Variants in SLC25A21 observed in about 807,000 individuals in gnomAD.
SLC25A21 encodes the protein mitochondrial 2-oxodicarboxylate carrier.
In SLC25A21, 47 loss-of-function variants were observed where a neutral mutation model predicts 43.8. The ratio of observed to expected loss-of-function variants is 1.07; its 90% CI spans 0.85 to 1.37. The LOEUF is 1.37. Among genes scored for constraint, SLC25A21 ranks in the 40% most tolerant of loss-of-function variants. The pLI is 0.00. For missense variants in SLC25A21, 352 were observed against 350.2 expected, an observed-to-expected ratio of 1.00 and a Z score of -0.04; for synonymous variants, 131 against 121.3, an observed-to-expected ratio of 1.08 and a Z score of -0.52.
intron 2 of SLC25A21, among the ~76,000 whole-genome samples, chr14:36,862,787 T>C (rs972365244): frequency 6.6e-6 from 1 of 152,182 alleles, no homozygotes; most frequent in Non-Finnish European, 1.5e-5. Context: ...CTGAGAAAAG[T>C]TTATGATGGC....
chr14:36,901,222 T>C (rs1465117357), intron 1 of SLC25A21, among the ~76,000 whole-genome samples: 1 of 152,180 alleles, frequency 6.6e-6, no homozygotes, highest in East Asian at 1.9e-4. Context: ...TGAAGATATA[T>C]CAGACACTTT....
At chr14:37,171,742 T>G (rs527714614) in intron 1 of SLC25A21, 58 of 152,738 alleles carry the variant, frequency 3.8e-4, no homozygotes, top group Admixed American at 5.9e-4. Flanking sequence ...TCAAAGGTGT[T>G]TATGTGTGTT....
At chr14:37,116,328 T>G (rs1000233013) in intron 1 of SLC25A21, among the ~76,000 whole-genome samples, 3 of 152,150 alleles carry the variant, frequency 2.0e-5, no homozygotes, top group African/African-American at 7.2e-5. Flanking sequence ...AATTTACAAT[T>G]TACTACCTTA....
intron 1 of SLC25A21, among the ~76,000 whole-genome samples, chr14:36,982,193 G>A (rs1458411996): frequency 6.6e-6 from 1 of 152,142 alleles, no homozygotes; most frequent in Admixed American, 6.5e-5. Flanking sequence ...TCAAACTATA[G>A]AACAGATTTT....
chr14:37,156,647 C>T (rs1047441324), intron 1 of SLC25A21, among the ~76,000 whole-genome samples: 3 of 151,790 alleles, frequency 2.0e-5, no homozygotes, highest in African/African-American at 2.4e-5. Flanking sequence ...TCAGCTAAAA[C>T]AGGCTTTAAG....
At position 36,995,428 on chromosome 14, in the gene SLC25A21, G is replaced by A. The variant is rs1340742811; in HGVS notation, c.71-120424C>T. 3.3e-5 allele frequency among the ~76,000 whole-genome samples: 5 copies of A among 152,114 alleles called. No homozygotes were observed. The East Asian group carries it at 9.6e-4, about 29-fold the overall frequency. On this transcript the variant is annotated intron_variant, in intron 1 of 9. Coordinates refer to ENST00000331299, the MANE Select transcript of SLC25A21 (RefSeq NM_030631.4). Reference sequence around the variant, plus strand: ...TGGCAGAGAGAACATGACAAAAAAAGTAACTTCTTTTATTCTAAAAATGCA... The same window carrying A: ...TGGCAGAGAGAACATGACAAAAAAAATAACTTCTTTTATTCTAAAAATGCA...
In SLC25A21 at chr14:36,948,366, T is replaced by C. The variant is rs1892725019; in HGVS notation, c.71-73362A>G. On this transcript the variant is annotated intron_variant, in intron 1 of 9. Coordinates refer to ENST00000331299, the MANE Select transcript of SLC25A21 (RefSeq NM_030631.4). ...CGCATACAAGTGGATTCAGTTATGC[T>C]TGTCATTCTCTGCAGGCATAAGTTA... 2.0e-5 allele frequency among the ~76,000 whole-genome samples: 3 copies of C among 152,188 alleles called. No homozygotes were observed. In the South Asian group the frequency reaches 6.2e-4, roughly 32 times the overall value.
intron 3 of SLC25A21, among the ~76,000 whole-genome samples, chr14:36,810,779 C>G (rs991670893): frequency 6.6e-6 from 1 of 151,854 alleles, no homozygotes; most frequent in Non-Finnish European, 1.5e-5. Flanking sequence ...GGGACATGAC[C>G]CTTAGGAAAT....
intron 1 of SLC25A21, among the ~76,000 whole-genome samples, chr14:36,911,092 T>C (rs1345713599): frequency 1.3e-5 from 2 of 152,228 alleles, no homozygotes; most frequent in South Asian, 4.1e-4. Flanking sequence ...TCTACTCTTA[T>C]GATGGCATTT....
chr14:36,723,000 C>T (rs1311049408), intron 6 of SLC25A21, among the ~76,000 whole-genome samples: 2 of 152,186 alleles, frequency 1.3e-5, no homozygotes, highest in Non-Finnish European at 2.9e-5. Context: ...TGGCCATACA[C>T]ATGCCGAGGT....
intron 1 of SLC25A21, among the ~76,000 whole-genome samples, chr14:37,043,798 A>T (rs893484662): frequency 6.6e-6 from 1 of 152,034 alleles, no homozygotes; most frequent in Non-Finnish European, 1.5e-5. Flanking sequence ...GTGCAGTGAC[A>T]ATCATGGCTC....
At chr14:36,688,693 C>G (rs1386271449) in intron 7 of SLC25A21, among the ~76,000 whole-genome samples, 1 of 152,220 alleles carries the variant, frequency 6.6e-6, no homozygotes, top group Non-Finnish European at 1.5e-5. Flanking sequence ...ATGCCTTCCC[C>G]AGCTCACAGA....
chr14:36,862,390 C>A (rs992216457), intron 2 of SLC25A21, among the ~76,000 whole-genome samples: 4 of 152,068 alleles, frequency 2.6e-5, no homozygotes, highest in South Asian at 2.1e-4. Context: ...CTGGATTAAG[C>A]AAATGTGGCA....
intron 1 of SLC25A21, among the ~76,000 whole-genome samples, chr14:36,907,688 A>C (rs893005556): frequency 6.6e-6 from 1 of 152,154 alleles, no homozygotes; most frequent in Admixed American, 6.6e-5. Context: ...TAAGAGTGGT[A>C]AATACAGAAG....
rs1431026880 is a variant in SLC25A21 at position 36,711,441 on chromosome 14, C to T, written c.480G>A (p.Lys160=). ...TVGYARQIIK[K]EGWGLQGLNK... ...TGAGGCCCTGGAGTCCCCAGCCTTC[C>T]TTCTTAATGATTTGTCTTGCATAAC... is the stretch of plus-strand genomic sequence containing the variant. Residue 160 remains lysine, a synonymous_variant, in exon 7 of 10, where the codon AAG becomes AAA. Transcript: ENST00000331299. 6.2e-7 allele frequency: 1 copy of T among 1,614,056 alleles called. No individual in the cohort carries two copies. The highest frequency in any genetic ancestry group is 8.5e-7 in the Non-Finnish European group (1 of 1,180,002).
In SLC25A21 at chr14:36,915,751, C is replaced by T. The variant is rs115418623; in HGVS notation, c.71-40747G>A. On this transcript the variant is annotated intron_variant, in intron 1 of 9. Coordinates refer to ENST00000331299, the MANE Select transcript of SLC25A21 (RefSeq NM_030631.4). ...ATCCACCCCATCTCCCCTTTAGTAACGAGAGGTCAACATTCTGTCTCAAGC... is the reference window on the plus strand; with the variant it reads ...ATCCACCCCATCTCCCCTTTAGTAATGAGAGGTCAACATTCTGTCTCAAGC... Among the ~76,000 whole-genome samples the T allele has an allele frequency of 4.4e-3, 666 of 152,220 alleles. 4 individuals carry two copies. Among genetic ancestry groups the T allele is most frequent in the African/African-American group, 0.015 (640 of 41,548 alleles).
In SLC25A21 at chr14:36,837,263, G is replaced by A. The variant is rs867368354; in HGVS notation, c.120-23262C>T. On this transcript the variant is annotated intron_variant, in intron 2 of 9. Transcript: ENST00000331299. Reference sequence around the variant, plus strand: ...CACTGAGCTGGGGCTAAATGTTACTGAAAGGGCCAAGGGGGTGTCCAGACT... The same window carrying A: ...CACTGAGCTGGGGCTAAATGTTACTAAAAGGGCCAAGGGGGTGTCCAGACT... Among the ~76,000 whole-genome samples the A allele has an allele frequency of 3.3e-5, 5 of 152,034 alleles. No individual in the cohort carries two copies. In the South Asian group the frequency reaches 1.0e-3, roughly 32 times the overall value.
intron 1 of SLC25A21, among the ~76,000 whole-genome samples, chr14:37,138,960 T>C (rs1296115478): frequency 6.6e-6 from 1 of 152,110 alleles, no homozygotes; most frequent in East Asian, 1.9e-4. Flanking sequence ...CCCATCTAGC[T>C]GGCCAGCCAA....
intron 1 of SLC25A21, among the ~76,000 whole-genome samples, chr14:37,145,071 C>T (rs754002938): frequency 1.3e-5 from 2 of 152,164 alleles, no homozygotes; most frequent in Non-Finnish European, 2.9e-5. Context: ...AAGCACTTTA[C>T]ATGCCTCAAT....
Sources: gnomAD v4.1 joint callset for allele counts (sites outside exome capture counted in the v4.1 genomes callset) on GRCh38, gnomAD v4.1.1 for gene constraint, MANE v1.5 for transcripts, NCBI Gene and HGNC (gene_info 2026-07-23, HGNC 2026-07-21) for gene names.